The following CRTAC1 variants were observed in gnomAD, a reference collection of about 807,000 sequenced individuals.
CRTAC1 encodes cartilage acidic protein 1, also known as acidic secreted protein in cartilage.
In CRTAC1, 37 loss-of-function variants were observed where a neutral mutation model predicts 67.8. The observed-to-expected ratio is 0.55, with a 90% confidence interval of 0.42 to 0.72. The LOEUF is 0.72. CRTAC1 is among the 30% of genes least tolerant of loss of function. The probability of loss-of-function intolerance (pLI) is 0.00; values close to 1 mark genes in which losing one functional copy is unlikely to be tolerated. For missense variants in CRTAC1, 780 were observed against 931.6 expected (o/e 0.84, Z 2.12); for synonymous variants, 348 against 371.0 (o/e 0.94, Z 0.71).
chr10:98,010,184 C>T (rs913426767), intron 2 of CRTAC1, among the ~76,000 whole-genome samples: 8 of 151,938 alleles, frequency 5.3e-5, no homozygotes, highest in African/African-American at 1.2e-4. Context: ...GGATTACATG[C>T]GCGCGCCACC....
intron 14 of CRTAC1, among the ~76,000 whole-genome samples, chr10:97,877,745 C>G (rs1336156753): frequency 3.9e-5 from 6 of 152,206 alleles, no homozygotes; most frequent in African/African-American, 1.4e-4. Context: ...ACTCACTGGA[C>G]CCCACTCACC....
chr10:98,025,689 G>C (rs536289433), intron 1 of CRTAC1, among the ~76,000 whole-genome samples: 2 of 152,212 alleles, frequency 1.3e-5, no homozygotes, highest in Non-Finnish European at 2.9e-5. Flanking sequence ...AGGCTCTCCA[G>C]AAATCCCTAG....
intron 2 of CRTAC1, among the ~76,000 whole-genome samples, chr10:97,945,520 G>A (rs2051250592): frequency 1.3e-5 from 2 of 152,120 alleles, no homozygotes; most frequent in African/African-American, 2.4e-5. Flanking sequence ...CATTCAAACA[G>A]GAGATTCACA....
intron 11 of CRTAC1, among the ~76,000 whole-genome samples, chr10:97,891,111 T>C (rs1402977858): frequency 6.6e-6 from 1 of 152,244 alleles, no homozygotes; most frequent in Non-Finnish European, 1.5e-5. Context: ...TGGCACACAG[T>C]ACGTGCTCAG....
intron 6 of CRTAC1, among the ~76,000 whole-genome samples, chr10:97,906,840 G>T (rs1049617450): frequency 6.6e-6 from 1 of 152,196 alleles, no homozygotes; most frequent in Non-Finnish European, 1.5e-5. Context: ...GTAGGTACTC[G>T]TAAGTCCAAG....
At chr10:97,936,403 C>T in intron 2 of CRTAC1, 37 bp from the exon 3 acceptor site, 1 of 1,549,096 alleles carries the variant, frequency 6.5e-7, no homozygotes. Context: ...TGGGGAGGAG[C>T]CGCTGGGCCC....
intron 1 of CRTAC1, among the ~76,000 whole-genome samples, chr10:98,015,662 CAT>C (rs770955992): frequency 1.1e-4 from 17 of 152,290 alleles, no homozygotes; most frequent in Admixed American, 5.2e-4. Flanking sequence ...AAAGCTCCCA[CAT>C]GATTCTAATA....
rs71007368 is a variant in CRTAC1 at position 97,876,945 on chromosome 10, G to GTT, written c.1819+3302_1819+3303dup. Among the ~76,000 whole-genome samples, 532 of 53,438 alleles carry GTT rather than the reference G, an allele frequency of 1.0e-2. 37 individuals carry two copies. Among genetic ancestry groups the GTT allele is most frequent in the Middle Eastern group, 0.043 (2 of 46 alleles). The allele number at this position is 53,438 out of a possible 152,430, so 35.1% of individuals were successfully genotyped here. A position where few individuals can be genotyped will look rare whatever the true frequency, so the allele number is the denominator to read the frequency against. On this transcript the variant is annotated intron_variant, in intron 14 of 14. Transcript: ENST00000370597. ...ACTGCTAGCTCAATGAGGAGGCTCTGTTTTTTTTTTTTTTTTTTTTTTTTT... is the reference window on the plus strand; with the variant it reads ...ACTGCTAGCTCAATGAGGAGGCTCTGTTTTTTTTTTTTTTTTTTTTTTTTTTT...
At chr10:97,924,150 C>T (rs1479786108) in intron 3 of CRTAC1, among the ~76,000 whole-genome samples, 1 of 152,118 alleles carries the variant, frequency 6.6e-6, no homozygotes, top group African/African-American at 2.4e-5. Context: ...CCTTCTGGAG[C>T]TCGTTCGTGA....
At chr10:97,891,942 C>T (rs1360229498) in intron 11 of CRTAC1, among the ~76,000 whole-genome samples, 3 of 152,240 alleles carry the variant, frequency 2.0e-5, no homozygotes, top group South Asian at 2.1e-4. Context: ...CTTCTAGTGC[C>T]GCTGGGAATG....
At chr10:97,888,936 C>G (rs1564879165) in intron 11 of CRTAC1, among the ~76,000 whole-genome samples, 1 of 152,100 alleles carries the variant, frequency 6.6e-6, no homozygotes. Context: ...GGTGGGAATA[C>G]AGTTGGTAGA....
chr10:97,897,671 T>C (rs1192239887), intron 8 of CRTAC1, among the ~76,000 whole-genome samples: 1 of 152,356 alleles, frequency 6.6e-6, no homozygotes, highest in East Asian at 1.9e-4. Flanking sequence ...TTTGGAACTC[T>C]GAATCTTGAT....
chr10:97,964,294 G>A (rs554020288), intron 2 of CRTAC1, among the ~76,000 whole-genome samples: 120 of 152,328 alleles, frequency 7.9e-4, no homozygotes, highest in African/African-American at 2.8e-3. Flanking sequence ...TGTGAGAAAT[G>A]ACAGCCTAAG....
In CRTAC1 at chr10:97,899,785, G is replaced by A. The variant is rs985875068; in HGVS notation, c.1133+1718C>T. Reference sequence around the variant, plus strand: ...GATGGGGTAGGGGTCTTGGGGGGCCGAGCCAGTGATCTGGCCCATGTCCTG... The same window carrying A: ...GATGGGGTAGGGGTCTTGGGGGGCCAAGCCAGTGATCTGGCCCATGTCCTG... On this transcript the variant is annotated intron_variant, in intron 8 of 14. Transcript: ENST00000370597. Among the ~76,000 whole-genome samples the A allele has an allele frequency of 7.2e-5, 11 of 152,112 alleles. No homozygotes were observed. In the South Asian group the frequency reaches 1.0e-3, roughly 14 times the overall value.
At chr10:97,999,746 T>C (rs1291202120) in intron 2 of CRTAC1, among the ~76,000 whole-genome samples, 2 of 152,136 alleles carry the variant, frequency 1.3e-5, no homozygotes, top group African/African-American at 4.8e-5. Flanking sequence ...CCCATGGCTG[T>C]CCATGGACCA....
intron 11 of CRTAC1, among the ~76,000 whole-genome samples, chr10:97,888,931 G>A (rs1033490080): frequency 2.0e-5 from 3 of 152,118 alleles, no homozygotes; most frequent in African/African-American, 7.2e-5. Context: ...CAGATGGTGG[G>A]AATACAGTTG....
chr10:97,904,593 G>T, intron 7 of CRTAC1, 76 bp downstream of exon 7: 2 of 1,416,420 alleles, frequency 1.4e-6, no homozygotes, highest in South Asian at 1.7e-5. Context: ...CCAATTTTTG[G>T]TATTTTTAGT....
chr10:97,878,567 C>T, intron 14 of CRTAC1: 2 of 1,278,420 alleles, frequency 1.6e-6, no homozygotes, highest in South Asian at 2.6e-5. Flanking sequence ...TATAACAAGC[C>T]TTCACTACTG....
intron 2 of CRTAC1, among the ~76,000 whole-genome samples, chr10:97,940,763 C>T (rs1028020696): frequency 5.3e-5 from 8 of 152,198 alleles, no homozygotes; most frequent in Non-Finnish European, 1.2e-4. Flanking sequence ...CTGCTGCATA[C>T]CTCACAGGAT....
Sources: allele counts gnomAD v4.1 joint callset (sites outside exome capture counted in the v4.1 genomes callset), GRCh38; gene constraint gnomAD v4.1.1; transcripts MANE v1.5; gene names NCBI Gene and HGNC (gene_info 2026-07-23, HGNC 2026-07-21).